Variants in DCDC1 observed in about 807,000 individuals in gnomAD.
The protein encoded by DCDC1 is doublecortin domain containing 1, also known as doublecortin domain-containing protein 1.
A neutral mutation model predicts 178.3 loss-of-function variants in DCDC1; 200 were observed. The ratio of observed to expected loss-of-function variants is 1.12; its 90% CI spans 1.00 to 1.26. DCDC1 has a LOEUF of 1.26. Ranked by LOEUF, DCDC1 falls within the 50% of genes most tolerant of loss-of-function variation. The pLI is 0.00. For synonymous variants in DCDC1, 690 were observed against 604.8 expected (o/e 1.14, Z -2.07); for missense variants, 1,983 against 1,749.2 (o/e 1.13, Z -2.38).
At chr11:31,063,657 T>A (rs967412857) in intron 20 of DCDC1, among the ~76,000 whole-genome samples, 3 of 152,096 alleles carry the variant, frequency 2.0e-5, no homozygotes, top group Non-Finnish European at 2.9e-5. Context: ...AGTGGGAGGA[T>A]TGCTTGAGGC....
intron 36 of DCDC1, among the ~76,000 whole-genome samples, chr11:30,886,555 T>C (rs1347445403): frequency 6.6e-6 from 1 of 152,122 alleles, no homozygotes; most frequent in Non-Finnish European, 1.5e-5. Flanking sequence ...TGTTGTGTCC[T>C]GATATGGCAG....
At chr11:30,889,071 G>A (rs1479188487) in intron 36 of DCDC1, among the ~76,000 whole-genome samples, 1 of 152,142 alleles carries the variant, frequency 6.6e-6, no homozygotes, top group Non-Finnish European at 1.5e-5. Flanking sequence ...CCTAGGCCAA[G>A]GAAGAACACT....
At chr11:31,035,597 T>C (rs1953974261) in intron 20 of DCDC1, among the ~76,000 whole-genome samples, 1 of 152,272 alleles carries the variant, frequency 6.6e-6, no homozygotes, top group Admixed American at 6.5e-5. Flanking sequence ...AGGCACATGC[T>C]GAAATGTTTT....
chr11:30,868,574 G>C (rs563885644), intron 38 of DCDC1, among the ~76,000 whole-genome samples: 2 of 152,178 alleles, frequency 1.3e-5, no homozygotes, highest in South Asian at 4.1e-4. Flanking sequence ...TAGAGAGGGT[G>C]AAGTTTGCTC....
chr11:31,248,146 A>C (rs1943708970), intron 8 of DCDC1, among the ~76,000 whole-genome samples: 1 of 152,090 alleles, frequency 6.6e-6, no homozygotes, highest in Non-Finnish European at 1.5e-5. Context: ...TCTAACCTAA[A>C]ATAGAAGTAA....
intron 20 of DCDC1, among the ~76,000 whole-genome samples, chr11:31,011,658 T>C (rs577861574): frequency 3.1e-4 from 47 of 152,318 alleles, no homozygotes; most frequent in African/African-American, 1.1e-3. Flanking sequence ...TAGAGAGCTA[T>C]GTAAAAATAC....
chr11:30,995,676 T>C (rs1186403449), intron 20 of DCDC1, among the ~76,000 whole-genome samples: 2 of 152,078 alleles, frequency 1.3e-5, no homozygotes, highest in Non-Finnish European at 2.9e-5. Flanking sequence ...TTTCAGCAAA[T>C]AGTGCTGAAC....
chr11:31,172,909 TAAG>T (rs1196168573), intron 9 of DCDC1, among the ~76,000 whole-genome samples: 3 of 152,128 alleles, frequency 2.0e-5, no homozygotes, highest in Non-Finnish European at 2.9e-5. Flanking sequence ...ACTGTAGTTA[TAAG>T]AAGGACTCTC....
At chr11:31,155,387 A>AG (rs1965614058) in intron 9 of DCDC1, among the ~76,000 whole-genome samples, 1 of 152,200 alleles carries the variant, frequency 6.6e-6, no homozygotes, top group African/African-American at 2.4e-5. Flanking sequence ...AAAGTACTGT[A>AG]GGGGGGAAGA....
chr11:31,291,880 G>A (rs1947253623), intron 6 of DCDC1, among the ~76,000 whole-genome samples: 1 of 152,002 alleles, frequency 6.6e-6, no homozygotes, highest in East Asian at 1.9e-4. Context: ...TGGCCTCTTT[G>A]ACCTAGAAAT....
intron 1 of DCDC1, among the ~76,000 whole-genome samples, chr11:31,353,858 G>C (rs900004329): frequency 6.6e-6 from 1 of 152,142 alleles, no homozygotes; most frequent in African/African-American, 2.4e-5. Context: ...ACAGAGCCTA[G>C]TGTAAATAGA....
At chr11:30,980,028 A>ATT (rs770032963) in intron 20 of DCDC1, among the ~76,000 whole-genome samples, 38 of 152,136 alleles carry the variant, frequency 2.5e-4, no homozygotes, top group Non-Finnish European at 4.1e-4. Context: ...ACATGCAAAC[A>ATT]ATCCTATATT....
chr11:31,112,180 C>A (rs1173521548), intron 11 of DCDC1, among the ~76,000 whole-genome samples: 2 of 152,162 alleles, frequency 1.3e-5, no homozygotes, highest in Non-Finnish European at 2.9e-5. Context: ...CCTAAAAATT[C>A]TCCAAACTGA....
rs558250830 is a variant in DCDC1, at chr11:31,229,704, A to G, written c.1221+11746T>C. On this transcript the variant is annotated intron_variant, in intron 9 of 38. Coordinates refer to ENST00000684477, the MANE Select transcript of DCDC1 (RefSeq NM_001387274.1). ...CAATTGGCATTTATATCTAGAATGA[A>G]AGGATGGCGCAGCATAAGGAAATAA... 9.9e-5 allele frequency among the ~76,000 whole-genome samples: 15 copies of G among 152,266 alleles called. No homozygotes were observed. The South Asian group carries it at 3.1e-3, about 32-fold the overall frequency.
At chr11:31,019,342 A>G (rs1253586604) in intron 20 of DCDC1, among the ~76,000 whole-genome samples, 2 of 152,230 alleles carry the variant, frequency 1.3e-5, no homozygotes, top group Non-Finnish European at 2.9e-5. Context: ...ATACATGGCC[A>G]AAGTTTGTGG....
chr11:31,131,218 TGAAAAGAAAAA>T (rs1962396394), intron 10 of DCDC1, among the ~76,000 whole-genome samples: 1 of 131,574 alleles, frequency 7.6e-6, no homozygotes, highest in Admixed American at 7.7e-5. Flanking sequence ...ACAAAATTAA[TGAAAAGAAAAA>T]GAAAAGAAAA....
intron 7 of DCDC1, among the ~76,000 whole-genome samples, chr11:31,283,534 A>T (rs1178085441): frequency 1.3e-5 from 2 of 150,992 alleles, no homozygotes; most frequent in Non-Finnish European, 3.0e-5. Context: ...TTTTCTGTTA[A>T]CTCTATTTTG....
At chr11:31,037,426 T>G (rs1424311216) in intron 20 of DCDC1, among the ~76,000 whole-genome samples, 1 of 46,636 alleles carries the variant, frequency 2.1e-5, no homozygotes, top group East Asian at 4.3e-4. Flanking sequence ...CTCTAAATAT[T>G]TCTTTCTTTT....
At chr11:31,178,881 C>T (rs766018394) in intron 9 of DCDC1, among the ~76,000 whole-genome samples, 8 of 152,012 alleles carry the variant, frequency 5.3e-5, no homozygotes, top group Non-Finnish European at 8.8e-5. Flanking sequence ...TTAGTAGAGA[C>T]GTGGTTACAC....
Sources: gnomAD v4.1 joint callset for allele counts (sites outside exome capture counted in the v4.1 genomes callset) on GRCh38, gnomAD v4.1.1 for gene constraint, MANE v1.5 for transcripts, NCBI Gene and HGNC (gene_info 2026-07-23, HGNC 2026-07-21) for gene names.